SAMMSON: variants seen among roughly 807,000 people sequenced by gnomAD.
The protein encoded by SAMMSON is survival associated mitochondrial melanoma specific oncogenic non-coding RNA, also known as long intergenic non-protein coding RNA 1212.
intron 4 of SAMMSON, among the ~76,000 whole-genome samples, chr3:70,194,871 G>A (rs1559532112): frequency 6.6e-6 from 1 of 152,152 alleles, no homozygotes; most frequent in Non-Finnish European, 1.5e-5. Flanking sequence ...CTCCTTTAGT[G>A]ACTAGACCAC....
intron 3 of SAMMSON, among the ~76,000 whole-genome samples, chr3:70,067,471 C>T (rs2067214220): frequency 6.6e-6 from 1 of 151,764 alleles, no homozygotes; most frequent in South Asian, 2.1e-4. Flanking sequence ...GTCATTTGTA[C>T]CAGAATTCTT....
chr3:70,035,416 T>G (rs1164979496), intron 3 of SAMMSON, among the ~76,000 whole-genome samples: 3 of 152,210 alleles, frequency 2.0e-5, no homozygotes, highest in Non-Finnish European at 4.4e-5. Context: ...TCAGGTCAAC[T>G]GATCAGTAAC....
At chr3:70,045,929 G>A (rs778737678) in intron 3 of SAMMSON, among the ~76,000 whole-genome samples, 8 of 151,992 alleles carry the variant, frequency 5.3e-5, no homozygotes, top group African/African-American at 1.7e-4. Context: ...GCACATGTCA[G>A]CTAACGAGAA....
chr3:70,130,443 A>G (rs1168679632), intron 4 of SAMMSON, among the ~76,000 whole-genome samples: 2 of 152,198 alleles, frequency 1.3e-5, no homozygotes, highest in African/African-American at 2.4e-5. Flanking sequence ...TGGCCATACA[A>G]ATATACATCC....
chr3:70,306,605 C>T (rs935646114), intron 7 of SAMMSON, among the ~76,000 whole-genome samples: 2 of 151,536 alleles, frequency 1.3e-5, no homozygotes, highest in African/African-American at 4.9e-5. Context: ...TTTTTTTTCT[C>T]TCTCATGAAT....
At chr3:70,071,864 G>A (rs2067231283) in intron 4 of SAMMSON, 1 of 151,826 alleles carries the variant, frequency 6.6e-6, no homozygotes, top group South Asian at 2.1e-4. Flanking sequence ...TTCTGTCCAA[G>A]CCCTCTGTAG....
At chr3:70,184,283 G>C (rs539101779) in intron 4 of SAMMSON, 1 of 152,260 alleles carries the variant, frequency 6.6e-6, no homozygotes, top group Non-Finnish European at 1.5e-5. Context: ...ATATAGACAG[G>C]TTTGTTTTTC....
chr3:70,045,681 G>T (rs2067124189), intron 3 of SAMMSON, among the ~76,000 whole-genome samples: 1 of 151,904 alleles, frequency 6.6e-6, no homozygotes, highest in Non-Finnish European at 1.5e-5. Context: ...TTAGAAGCTC[G>T]GGTTTTAAAT....
chr3:70,428,954 T>A (rs1209025432), intron 2 of SAMMSON, among the ~76,000 whole-genome samples: 2 of 152,202 alleles, frequency 1.3e-5, no homozygotes, highest in Admixed American at 6.5e-5. Flanking sequence ...TTAGATAGAA[T>A]AAGTGATAGA....
chr3:70,371,724 A>T (rs990865135), intron 9 of SAMMSON, among the ~76,000 whole-genome samples: 7 of 151,972 alleles, frequency 4.6e-5, no homozygotes, highest in African/African-American at 1.7e-4. Flanking sequence ...CAAATCTAAG[A>T]GTTTCTTCGT....
intron 6 of SAMMSON, among the ~76,000 whole-genome samples, chr3:70,283,327 A>T (rs907766593): frequency 2.0e-5 from 3 of 152,028 alleles, no homozygotes; most frequent in African/African-American, 7.2e-5. Context: ...CAGATAGTAA[A>T]TGCTCAATAG....
intron 3 of SAMMSON, among the ~76,000 whole-genome samples, chr3:70,028,178 C>CTTTCTTTCTTT (rs1553711356): frequency 4.3e-5 from 3 of 69,950 alleles, no homozygotes; most frequent in Non-Finnish European, 9.1e-5. Flanking sequence ...TTCCTTCCTT[C>CTTTCTTTCTTT]CTTCCTTCCT....
chr3:70,363,641 A>G (rs1702894426), intron 9 of SAMMSON, among the ~76,000 whole-genome samples: 1 of 152,100 alleles, frequency 6.6e-6, no homozygotes, highest in East Asian at 1.9e-4. Flanking sequence ...AGGTTTTAGT[A>G]CAAATTAACT....
Position 70,366,492 on chromosome 3 carries a change from GTT to G in SAMMSON, n.913+8183_913+8184del. On this transcript the variant is annotated intron_variant and non_coding_transcript_variant, in intron 9 of 9. Coordinates refer to ENST00000642114, the Ensembl canonical transcript of SAMMSON. ...TGTTTTGTTTCGTTTGTGTTTTTAT[GTT>G]TTTTTTTTTTTTTTGCCTAATAGCT... Among the ~76,000 whole-genome samples, 474 of 100,760 alleles carry G rather than the reference GTT, an allele frequency of 4.7e-3. 3 individuals are homozygous for G. The highest frequency in any genetic ancestry group is 0.03 in the Middle Eastern group (5 of 164). The allele number at this position is 100,760 out of a possible 152,430, so 66.1% of individuals were successfully genotyped here.
At chr3:70,011,092 C>G (rs1245234050) in intron 1 of SAMMSON, among the ~76,000 whole-genome samples, 1 of 152,048 alleles carries the variant, frequency 6.6e-6, no homozygotes, top group Non-Finnish European at 1.5e-5. Context: ...GGGTATTACT[C>G]AAGGGTTCTT....
chr3:70,077,075 C>A (rs2067250500), intron 4 of SAMMSON, among the ~76,000 whole-genome samples: 1 of 152,140 alleles, frequency 6.6e-6, no homozygotes. Context: ...ATTTCATTAA[C>A]TCTGTGACTG....
chr3:70,288,733 C>G (rs1038394977), intron 6 of SAMMSON, among the ~76,000 whole-genome samples: 1 of 151,818 alleles, frequency 6.6e-6, no homozygotes, highest in African/African-American at 2.4e-5. Context: ...CTTTATGAAT[C>G]TAGGTGCTCC....
chr3:70,186,185 A>T (rs1391595491), intron 4 of SAMMSON, among the ~76,000 whole-genome samples: 1 of 152,140 alleles, frequency 6.6e-6, no homozygotes, highest in African/African-American at 2.4e-5. Context: ...AGTTTTCTTT[A>T]CTTCAAATGA....
intron 7 of SAMMSON, among the ~76,000 whole-genome samples, chr3:70,323,393 A>G (rs992717642): frequency 6.6e-6 from 1 of 152,136 alleles, no homozygotes; most frequent in African/African-American, 2.4e-5. Context: ...CTGAGTTAGT[A>G]TGGTGACACC....
Sources: gnomAD v4.1 joint callset for allele counts (sites outside exome capture counted in the v4.1 genomes callset) on GRCh38, gnomAD v4.1.1 for gene constraint, MANE v1.5 for transcripts, NCBI Gene and HGNC (gene_info 2026-07-23, HGNC 2026-07-21) for gene names.